Variants in TMPRSS4 observed in about 807,000 individuals in gnomAD.
The protein encoded by TMPRSS4 is transmembrane serine protease 4.
In TMPRSS4, 45 loss-of-function variants were observed where a neutral mutation model predicts 56.4. The ratio of observed to expected loss-of-function variants is 0.80; its 90% CI spans 0.63 to 1.02. The LOEUF is 1.02. Among genes scored for constraint, TMPRSS4 ranks in the 50% least tolerant of loss-of-function variants. TMPRSS4 has a pLI of 0.00. For synonymous variants in TMPRSS4, 205 were observed against 211.0 expected, an observed-to-expected ratio of 0.97 and a Z score of 0.25; for missense variants, 546 against 556.7, an observed-to-expected ratio of 0.98 and a Z score of 0.19.
intron 1 of TMPRSS4, among the ~76,000 whole-genome samples, chr11:118,086,475 T>A (rs1007989742): frequency 6.6e-6 from 1 of 152,266 alleles, no homozygotes; most frequent in Non-Finnish European, 1.5e-5. Context: ...GCTCTAATAA[T>A]GACTCAACGC....
At chr11:118,089,912 T>C (rs1043117639) in intron 1 of TMPRSS4, among the ~76,000 whole-genome samples, 8 of 152,188 alleles carry the variant, frequency 5.3e-5, no homozygotes, top group East Asian at 1.9e-4. Flanking sequence ...TGTGGCACCA[T>C]CTCACTCACT....
At chr11:118,108,102 G>A (rs1241650168) in intron 6 of TMPRSS4, 6 of 521,644 alleles carry the variant, frequency 1.2e-5, no homozygotes, top group South Asian at 1.0e-4. Flanking sequence ...TGGACAAAGT[G>A]TGTTGTCCTA....
In TMPRSS4 at chr11:118,119,161, A is replaced by C; in HGVS notation, c.*1248A>C. Reference sequence around the variant, plus strand: ...GAAACCCAGAAAACAAAACAAAATAAAACAAAACCATCAGAACTGTGAGTG... The same window carrying C: ...GAAACCCAGAAAACAAAACAAAATACAACAAAACCATCAGAACTGTGAGTG... On this transcript the variant is annotated 3_prime_UTR_variant, in exon 13 of 13. Coordinates refer to ENST00000437212, the MANE Select transcript of TMPRSS4 (RefSeq NM_019894.4). 2.0e-6 allele frequency: 2 copies of C among 985,488 alleles called. No homozygotes were observed. Among genetic ancestry groups the C allele is most frequent in the Non-Finnish European group, 2.4e-6 (2 of 829,968 alleles). 61.0% of individuals were successfully genotyped at this position (985,488 alleles called of 1,614,324 possible).
chr11:118,080,312 G>C (rs1945021909), intron 1 of TMPRSS4, among the ~76,000 whole-genome samples: 1 of 152,166 alleles, frequency 6.6e-6, no homozygotes, highest in Non-Finnish European at 1.5e-5. Flanking sequence ...CCAGACACAG[G>C]GGACTGCATG....
chr11:118,100,748 C>T (rs1946690337), intron 3 of TMPRSS4, among the ~76,000 whole-genome samples: 1 of 152,180 alleles, frequency 6.6e-6, no homozygotes, highest in Admixed American at 6.5e-5. Flanking sequence ...TACACCCTGC[C>T]ACAGTGGAGA....
chr11:118,081,200 C>T (rs1204467046), intron 1 of TMPRSS4, among the ~76,000 whole-genome samples: 1 of 152,206 alleles, frequency 6.6e-6, no homozygotes, highest in Non-Finnish European at 1.5e-5. Context: ...GAAAACAAGG[C>T]TCACCCGAAG....
At chr11:118,112,485 T>C (rs112263220) in intron 8 of TMPRSS4, among the ~76,000 whole-genome samples, 10,559 of 144,090 alleles carry the variant, frequency 0.073, 1,014 homozygotes, top group African/African-American at 0.23. Flanking sequence ...CTCCGCCTCC[T>C]GAGTTCAAGC....
At chr11:118,109,266 CA>C (rs1424657141) in intron 7 of TMPRSS4, among the ~76,000 whole-genome samples, 1 of 152,220 alleles carries the variant, frequency 6.6e-6, no homozygotes, top group Non-Finnish European at 1.5e-5. Flanking sequence ...TATCCAAGAT[CA>C]GATTACCCAC....
chr11:118,094,186 A>G (rs1009677892), intron 1 of TMPRSS4, among the ~76,000 whole-genome samples: 3 of 152,202 alleles, frequency 2.0e-5, no homozygotes, highest in African/African-American at 7.2e-5. Flanking sequence ...ATCATAAAAT[A>G]CTTGTACGTT....
chr11:118,099,532 C>A (rs1341910462), intron 3 of TMPRSS4, among the ~76,000 whole-genome samples: 1 of 151,476 alleles, frequency 6.6e-6, no homozygotes, highest in Non-Finnish European at 1.5e-5. Context: ...TTGAAGAGAG[C>A]CTTCTTCTAA....
rs972530028 is a variant in TMPRSS4 at position 118,117,581 on chromosome 11, A to G, written c.1302+127A>G. The G allele has an allele frequency of 4.0e-6, 6 of 1,494,130 alleles. No homozygotes were observed. The African/African-American group carries it at 5.6e-5, about 14-fold the overall frequency. The allele number at this position is 1,494,130 out of a possible 1,614,324, so 92.6% of individuals were successfully genotyped here. On this transcript the variant is annotated intron_variant, in intron 12 of 12. Coordinates refer to ENST00000437212, the MANE Select transcript of TMPRSS4 (RefSeq NM_019894.4). Reference sequence around the variant, plus strand: ...TTACATCCCAAATAACTTTCCCTCCAAGCAAGGGACAGCCTGAGATTGCAC... The same window carrying G: ...TTACATCCCAAATAACTTTCCCTCCGAGCAAGGGACAGCCTGAGATTGCAC...
chr11:118,104,708 C>A lies in TMPRSS4; in HGVS notation c.328C>A (p.Arg110=), dbSNP rs149029977. 528 of 1,612,792 alleles carry A rather than the reference C, an allele frequency of 3.3e-4. 6 individuals are homozygous for A. The African/African-American group carries it at 5.8e-3, about 18-fold the overall frequency. Residue 110 remains arginine (R), a synonymous_variant, in exon 5 of 13, where the codon CGA becomes AGA. Coordinates refer to ENST00000437212, the MANE Select transcript of TMPRSS4 (RefSeq NM_019894.4). Reference sequence around the variant, plus strand: ...CCTCCCAGTCCGCCTCTCCAAGGACCGATCCACACTGCAGGTGCTGGACTC... The same window carrying A: ...CCTCCCAGTCCGCCTCTCCAAGGACAGATCCACACTGCAGGTGCTGGACTC... ...PAVAVRLSKD[R]STLQVLDSAT...
At chr11:118,094,246 T>G (rs1225714696) in intron 1 of TMPRSS4, among the ~76,000 whole-genome samples, 1 of 152,178 alleles carries the variant, frequency 6.6e-6, no homozygotes, top group Admixed American at 6.5e-5. Flanking sequence ...TTGTACCACT[T>G]TACACTCCCA....
chr11:118,096,706 A>G (rs964894239), intron 2 of TMPRSS4, among the ~76,000 whole-genome samples: 1 of 151,724 alleles, frequency 6.6e-6, no homozygotes, highest in Admixed American at 6.6e-5. Context: ...GGATGGCTTG[A>G]GCCCAGGAGG....
intron 4 of TMPRSS4, 106 bp downstream of exon 4, chr11:118,103,359 C>T (rs1946822596): frequency 3.9e-5 from 29 of 740,494 alleles, no homozygotes; most frequent in Non-Finnish European, 5.8e-5. Flanking sequence ...CACTTTTCAT[C>T]CTTGTTGTAT....
chr11:118,096,951 G>GA lies in TMPRSS4; in HGVS notation c.44-2032dup, dbSNP rs60043948. On this transcript the variant is annotated intron_variant, in intron 2 of 12. Transcript: ENST00000437212. The stretch of plus-strand genomic sequence containing the variant: ...AAGAAAGAAAGAGAAAGAAAGAAAG[G>GA]AAGGAAAGAAAGAAAGGAAAGAAAG... 9.8e-5 allele frequency among the ~76,000 whole-genome samples: 6 copies of GA among 60,976 alleles called. 1 individual carries two copies. The highest frequency in any genetic ancestry group is 2.0e-4 in the African/African-American group (4 of 19,716). 40.0% of individuals were successfully genotyped at this position (60,976 alleles called of 152,430 possible).
At chr11:118,096,101 A>G (rs951476884) in intron 2 of TMPRSS4, among the ~76,000 whole-genome samples, 1 of 152,246 alleles carries the variant, frequency 6.6e-6, no homozygotes, top group African/African-American at 2.4e-5. Flanking sequence ...CTCAATAAAT[A>G]AATCATGCAT....
chr11:118,080,779 A>G (rs763292362), intron 1 of TMPRSS4, among the ~76,000 whole-genome samples: 3 of 152,204 alleles, frequency 2.0e-5, no homozygotes, highest in African/African-American at 4.8e-5. Context: ...GAAACGCCCC[A>G]GGGCAGCAGG....
intron 11 of TMPRSS4, 69 bp downstream of exon 11, chr11:118,115,349 A>G (rs1169987777): frequency 1.3e-5 from 21 of 1,560,314 alleles, no homozygotes; most frequent in Non-Finnish European, 6.1e-6. Context: ...GAGAAAACCC[A>G]GAGGCTGCAT....
Sources: allele counts gnomAD v4.1 joint callset (sites outside exome capture counted in the v4.1 genomes callset), GRCh38; gene constraint gnomAD v4.1.1; transcripts MANE v1.5; gene names NCBI Gene and HGNC (gene_info 2026-07-23, HGNC 2026-07-21).